RELN: variants seen among roughly 807,000 people sequenced by gnomAD.
RELN encodes reelin.
A neutral mutation model predicts 427.6 loss-of-function variants in RELN; 108 were observed. That is an observed-to-expected ratio of 0.25 (90% CI 0.22 to 0.30). The LOEUF (loss-of-function observed/expected upper bound fraction) is 0.30, where lower values mean the gene tolerates loss of function less well. RELN is among the 10% of genes least tolerant of loss of function. The pLI is 1.00. For missense variants in RELN, 3,715 were observed against 4,302.8 expected (o/e 0.86, Z 3.82); for synonymous variants, 1,524 against 1,513.4 (o/e 1.01, Z -0.16).
chr7:103,875,664 C>A (rs971271725), intron 2 of RELN, among the ~76,000 whole-genome samples: 1 of 151,946 alleles, frequency 6.6e-6, no homozygotes, highest in African/African-American at 2.4e-5. Flanking sequence ...TCTTAAATGA[C>A]CACGGCAAAA....
intron 3 of RELN, among the ~76,000 whole-genome samples, chr7:103,804,238 A>T (rs1399591863): frequency 1.3e-5 from 2 of 152,164 alleles, no homozygotes; most frequent in Non-Finnish European, 2.9e-5. Context: ...TTTCAAGTAC[A>T]TATAAGAATT....
At chr7:103,642,834 C>T (rs1832721602) in intron 16 of RELN, among the ~76,000 whole-genome samples, 1 of 152,056 alleles carries the variant, frequency 6.6e-6, no homozygotes, top group Admixed American at 6.6e-5. Flanking sequence ...TCGTATTCTG[C>T]TATCTAGAGG....
intron 22 of RELN, among the ~76,000 whole-genome samples, chr7:103,605,765 G>T (rs914097716): frequency 5.3e-5 from 8 of 152,152 alleles, no homozygotes; most frequent in Non-Finnish European, 1.0e-4. Context: ...CACATATTAA[G>T]TACTCCCTAA....
intron 8 of RELN, among the ~76,000 whole-genome samples, chr7:103,701,963 T>C (rs1372088145): frequency 1.3e-5 from 2 of 152,236 alleles, no homozygotes; most frequent in African/African-American, 4.8e-5. Context: ...GACTCATTTA[T>C]TTTATTTCAG....
At chr7:103,791,826 T>C (rs1792168890) in intron 3 of RELN, among the ~76,000 whole-genome samples, 1 of 152,160 alleles carries the variant, frequency 6.6e-6, no homozygotes, top group African/African-American at 2.4e-5. Context: ...TTGCAAATCA[T>C]ATATCTGATA....
chr7:103,589,269 T>C, intron 28 of RELN, among the ~76,000 whole-genome samples: 1 of 152,218 alleles, frequency 6.6e-6, no homozygotes. Context: ...GATACACATT[T>C]ATACATTTTG....
chr7:103,744,257 C>T (rs1469695134), intron 6 of RELN, among the ~76,000 whole-genome samples: 1 of 151,816 alleles, frequency 6.6e-6, no homozygotes, highest in Non-Finnish European at 1.5e-5. Flanking sequence ...GGGACACATT[C>T]AAAGCAGTGT....
intron 4 of RELN, among the ~76,000 whole-genome samples, chr7:103,762,561 T>C (rs1791329200): frequency 6.6e-6 from 1 of 152,210 alleles, no homozygotes; most frequent in East Asian, 1.9e-4. Context: ...AGAGACTCTA[T>C]CTTGAATATC....
intron 4 of RELN, among the ~76,000 whole-genome samples, chr7:103,772,961 G>T (rs1371145467): frequency 1.3e-5 from 2 of 152,132 alleles, no homozygotes; most frequent in African/African-American, 4.8e-5. Context: ...CATTATAGCA[G>T]TTCTGTAAAG....
rs1225846226 is a variant in RELN, at chr7:103,540,247, A to T, written c.6880T>A (p.Trp2294Arg). ...ARSGSTRLRW[W>R]QPSENGHFYS... ...AAGTGCCCATTCTCAGACGGTTGCC[A>T]CCAGCGAAGGCGAGTAGAACCAGAA... The change falls in exon 44 of 65, where the codon TGG becomes AGG. Residue 2294 changes from tryptophan (W) to arginine (R), a missense_variant. By Grantham distance (101) the Trp-to-Arg change is moderately radical. Coordinates refer to ENST00000428762, the MANE Select transcript of RELN (RefSeq NM_005045.4). The T allele has an allele frequency of 6.2e-7, 1 of 1,614,092 alleles. No homozygotes were observed. The highest frequency in any genetic ancestry group is 1.3e-5 in the African/African-American group (1 of 74,932).
At chr7:103,887,435 A>G (rs1182462924) in intron 2 of RELN, among the ~76,000 whole-genome samples, 2 of 152,322 alleles carry the variant, frequency 1.3e-5, no homozygotes, top group East Asian at 3.9e-4. Flanking sequence ...AAGAGAGGGA[A>G]GTTTGCATGG....
chr7:103,902,306 T>G (rs1584349319), intron 2 of RELN, among the ~76,000 whole-genome samples: 1 of 152,174 alleles, frequency 6.6e-6, no homozygotes, highest in South Asian at 2.1e-4. Flanking sequence ...AAAGTCAGGT[T>G]AAAAAAGAAT....
intron 15 of RELN, among the ~76,000 whole-genome samples, chr7:103,651,370 A>G (rs1422197758): frequency 6.6e-6 from 1 of 152,066 alleles, no homozygotes; most frequent in African/African-American, 2.4e-5. Flanking sequence ...GCATTTCTCT[A>G]TAAGTAGCGT....
chr7:103,930,657 A>C (rs1795841571), intron 1 of RELN, among the ~76,000 whole-genome samples: 2 of 152,012 alleles, frequency 1.3e-5, no homozygotes, highest in Non-Finnish European at 2.9e-5. Flanking sequence ...AGTATAGACA[A>C]GGTATAGATA....
Position 103,493,614 on chromosome 7 carries a change from G to C in RELN, c.9370-1588C>G, listed in dbSNP as rs541363085. ...CTGATGGTGAGAATGTCTATGGAGA[G>C]AGAAGAAAGTTGATACATACTGAGA... On this transcript the variant is annotated intron_variant, in intron 57 of 64. Coordinates refer to ENST00000428762, the MANE Select transcript of RELN (RefSeq NM_005045.4). 1.6e-4 allele frequency among the ~76,000 whole-genome samples: 25 copies of C among 152,278 alleles called. No homozygotes were observed. In the South Asian group the frequency reaches 2.3e-3, roughly 14 times the overall value.
intron 6 of RELN, among the ~76,000 whole-genome samples, chr7:103,729,496 G>A (rs764789585): frequency 2.6e-5 from 4 of 152,160 alleles, no homozygotes; most frequent in African/African-American, 4.8e-5. Flanking sequence ...AAGATCAACA[G>A]TGCCAAGTAT....
At chr7:103,895,343 C>G (rs1038546596) in intron 2 of RELN, among the ~76,000 whole-genome samples, 3 of 151,968 alleles carry the variant, frequency 2.0e-5, no homozygotes, top group Admixed American at 1.3e-4. Flanking sequence ...CCACACGAGG[C>G]AAATGGGGGC....
chr7:103,603,813 A>G lies in RELN; in HGVS notation c.3147-323T>C, dbSNP rs1035579940. Among the ~76,000 whole-genome samples the G allele has an allele frequency of 6.6e-6, 1 of 152,154 alleles. No individual in the cohort carries two copies. The highest frequency in any genetic ancestry group is 1.5e-5 in the Non-Finnish European group (1 of 68,032). ...GGCTGAGGGATAGTGGGATTTCCCT[A>G]TTGCCTTAAAAAATCACATATAAAT... On this transcript the variant is annotated intron_variant, in intron 23 of 64. Coordinates refer to ENST00000428762, the MANE Select transcript of RELN (RefSeq NM_005045.4). This position sits in a 1 kb window ranked among gnomAD's most constrained non-coding sequence, Gnocchi z 4.3.
rs537376702 is a variant in RELN at position 103,694,959 on chromosome 7, C to T, written c.1143+2894G>A. 1.1e-4 allele frequency among the ~76,000 whole-genome samples: 17 copies of T among 152,104 alleles called. No homozygotes were observed. The East Asian group carries it at 3.3e-3, about 30-fold the overall frequency. ...GGATTACAAGCATGATCCTCTGTGC[C>T]TGGCCATCTTGGAAACTTTTAATGA... On this transcript the variant is annotated intron_variant, in intron 10 of 64. Transcript: ENST00000428762.
Sources: allele counts gnomAD v4.1 joint callset (sites outside exome capture counted in the v4.1 genomes callset), GRCh38; gene constraint gnomAD v4.1.1; non-coding constraint Gnocchi (gnomAD v3.1); transcripts MANE v1.5; gene names NCBI Gene and HGNC (gene_info 2026-07-23, HGNC 2026-07-21).